The following RBMS3 variants were observed in gnomAD, a reference collection of about 807,000 sequenced individuals.
RBMS3 encodes RNA-binding motif, single-stranded-interacting protein 3.
In RBMS3, 27 loss-of-function variants were observed where a neutral mutation model predicts 66.8. That is an observed-to-expected ratio of 0.40 (90% CI 0.30 to 0.56). The LOEUF (loss-of-function observed/expected upper bound fraction) is 0.56. Ranked by LOEUF, RBMS3 falls within the 20% of genes least tolerant of loss-of-function variation. The pLI, the probability that RBMS3 is intolerant of heterozygous loss-of-function variation, is 0.40. For missense variants in RBMS3, 513 were observed against 549.5 expected (o/e 0.93, Z 0.66); for synonymous variants, 188 against 183.0 (o/e 1.03, Z -0.22).
In RBMS3 at chr3:29,429,615, T is replaced by A. The variant is rs77028579; in HGVS notation, c.76-5128T>A. On this transcript the variant is annotated intron_variant, in intron 1 of 14. Coordinates refer to ENST00000383767, the MANE Select transcript of RBMS3 (RefSeq NM_001003793.3). The stretch of plus-strand genomic sequence containing the variant: ...CTTCTAAGCTGACACTGCAAATTCA[T>A]AGCAACCCCTTGCCCTGTTATAGCA... Among the ~76,000 whole-genome samples the A allele has an allele frequency of 1.0e-3, 153 of 152,322 alleles. 5 individuals are homozygous for A. In the East Asian group the frequency reaches 0.028, roughly 28 times the overall value.
intron 9 of RBMS3, among the ~76,000 whole-genome samples, chr3:29,899,422 G>C (rs1180357833): frequency 6.6e-6 from 1 of 151,644 alleles, no homozygotes; most frequent in Admixed American, 6.6e-5. Flanking sequence ...TAAAACTTTA[G>C]CGTTCAACAT....
At chr3:29,425,452 A>C (rs1216788522) in intron 1 of RBMS3, among the ~76,000 whole-genome samples, 1 of 150,846 alleles carries the variant, frequency 6.6e-6, no homozygotes, top group African/African-American at 2.4e-5. Context: ...AGACTGTAGG[A>C]AAAACCCCGT....
chr3:29,996,151 A>G (rs1476025059), intron 14 of RBMS3, among the ~76,000 whole-genome samples: 5 of 149,484 alleles, frequency 3.3e-5, no homozygotes, highest in Non-Finnish European at 7.5e-5. Flanking sequence ...TAAACCAACA[A>G]AGATCAAAAG....
At chr3:29,898,496 A>C (rs1034187729) in intron 9 of RBMS3, among the ~76,000 whole-genome samples, 8 of 151,690 alleles carry the variant, frequency 5.3e-5, no homozygotes, top group Non-Finnish European at 1.0e-4. Context: ...TCAGAGAATC[A>C]AACTTAAGAC....
intron 10 of RBMS3, among the ~76,000 whole-genome samples, chr3:29,914,144 C>A (rs1392628556): frequency 6.6e-6 from 1 of 151,750 alleles, no homozygotes; most frequent in Non-Finnish European, 1.5e-5. Context: ...AAAGACTGAA[C>A]ACTGTTGAGA....
At chr3:29,465,733 A>C (rs1420157084) in intron 2 of RBMS3, among the ~76,000 whole-genome samples, 2 of 152,228 alleles carry the variant, frequency 1.3e-5, no homozygotes, top group African/African-American at 4.8e-5. Context: ...TTATTTTTCT[A>C]GAGCAAATAG....
chr3:29,363,374 A>G (rs2037714439), intron 1 of RBMS3, among the ~76,000 whole-genome samples: 1 of 152,218 alleles, frequency 6.6e-6, no homozygotes, highest in African/African-American at 2.4e-5. Context: ...CTAATATGAT[A>G]CCTACAGAGA....
At chr3:29,656,394 G>A (rs989036354) in intron 4 of RBMS3, among the ~76,000 whole-genome samples, 1 of 152,122 alleles carries the variant, frequency 6.6e-6, no homozygotes, top group Non-Finnish European at 1.5e-5. Context: ...ACAGTAACAT[G>A]CTATACAAGT....
chr3:29,419,438 A>T (rs916905595), intron 1 of RBMS3, among the ~76,000 whole-genome samples: 1 of 152,126 alleles, frequency 6.6e-6, no homozygotes, highest in Non-Finnish European at 1.5e-5. Context: ...GTGTAGGTTA[A>T]ATTTTTATCA....
At chr3:29,817,050 C>T (rs1216024524) in intron 6 of RBMS3, among the ~76,000 whole-genome samples, 2 of 152,128 alleles carry the variant, frequency 1.3e-5, no homozygotes, top group Non-Finnish European at 2.9e-5. Flanking sequence ...GAGATCGAAC[C>T]ACTGCACTCC....
chr3:29,735,893 G>T (rs2149343505), intron 4 of RBMS3, among the ~76,000 whole-genome samples: 1 of 152,192 alleles, frequency 6.6e-6, no homozygotes, highest in East Asian at 1.9e-4. Flanking sequence ...AACAAGATTG[G>T]ATAAGATGCC....
chr3:29,676,630 A>G (rs1343755703), intron 4 of RBMS3, among the ~76,000 whole-genome samples: 3 of 152,178 alleles, frequency 2.0e-5, no homozygotes, highest in African/African-American at 7.2e-5. Flanking sequence ...ATCATTTTAT[A>G]TAATGACTGT....
chr3:29,302,888 T>C (rs1250754662), intron 1 of RBMS3, among the ~76,000 whole-genome samples: 7 of 152,064 alleles, frequency 4.6e-5, no homozygotes, highest in Admixed American at 4.6e-4. Flanking sequence ...TGCTTTTATT[T>C]CTACAAAATG....
intron 2 of RBMS3, among the ~76,000 whole-genome samples, chr3:29,472,383 A>T (rs1208767477): frequency 2.0e-5 from 3 of 151,906 alleles, no homozygotes; most frequent in Non-Finnish European, 4.4e-5. Context: ...TTTAGTAGAG[A>T]TGGCATTTTA....
At chr3:29,811,326 C>T (rs181741636) in intron 6 of RBMS3, among the ~76,000 whole-genome samples, 269 of 152,272 alleles carry the variant, frequency 1.8e-3, no homozygotes, top group Non-Finnish European at 1.8e-3. Context: ...TCCTGGGGCA[C>T]GCCTGGAAGC....
intron 4 of RBMS3, among the ~76,000 whole-genome samples, chr3:29,686,172 C>A (rs555145708): frequency 6.6e-6 from 1 of 152,132 alleles, no homozygotes; most frequent in Non-Finnish European, 1.5e-5. Flanking sequence ...AGTTCTTTTC[C>A]CTTGAGTTTT....
At chr3:29,737,309 C>A (rs1162125368) in intron 4 of RBMS3, among the ~76,000 whole-genome samples, 1 of 152,062 alleles carries the variant, frequency 6.6e-6, no homozygotes, top group African/African-American at 2.4e-5. Flanking sequence ...TTTATTTAAG[C>A]CCCAGAGGTA....
chr3:29,668,063 G>C (rs1289227544), intron 4 of RBMS3, among the ~76,000 whole-genome samples: 1 of 151,994 alleles, frequency 6.6e-6, no homozygotes, highest in Non-Finnish European at 1.5e-5. Flanking sequence ...AACTATATTA[G>C]CTTCTTCATG....
intron 1 of RBMS3, among the ~76,000 whole-genome samples, chr3:29,292,220 C>T (rs751920954): frequency 6.6e-6 from 1 of 151,718 alleles, no homozygotes; most frequent in Non-Finnish European, 1.5e-5. Context: ...AACACACACG[C>T]ACACATACAT....
Sources: allele counts gnomAD v4.1 joint callset (sites outside exome capture counted in the v4.1 genomes callset), GRCh38; gene constraint gnomAD v4.1.1; transcripts MANE v1.5; gene names NCBI Gene and HGNC (gene_info 2026-07-23, HGNC 2026-07-21).